Variants in ZFAT observed in about 807,000 individuals in gnomAD.
The protein encoded by ZFAT is zinc finger and AT-hook domain containing.
A neutral mutation model predicts 117.7 loss-of-function variants in ZFAT; 64 were observed. The observed-to-expected ratio is 0.54, with a 90% confidence interval of 0.44 to 0.67. ZFAT has a LOEUF of 0.67. Among genes scored for constraint, ZFAT ranks in the 30% least tolerant of loss-of-function variants. ZFAT has a pLI of 0.00. For synonymous variants in ZFAT, 679 were observed against 615.0 expected (o/e 1.10, Z -1.54); for missense variants, 1,433 against 1,584.5 (o/e 0.90, Z 1.62).
At chr8:134,626,012 C>T (rs1563692923) in intron 3 of ZFAT, among the ~76,000 whole-genome samples, 1 of 152,212 alleles carries the variant, frequency 6.6e-6, no homozygotes, top group African/African-American at 2.4e-5. Flanking sequence ...TCCCTGAGAG[C>T]CAGCAGCCGC....
chr8:134,646,541 G>T (rs80170444), intron 2 of ZFAT, among the ~76,000 whole-genome samples: 1,740 of 151,882 alleles, frequency 0.011, 13 homozygotes, highest in Non-Finnish European at 0.018. Flanking sequence ...GTGAGCAGAT[G>T]GAAGGAAATA....
the ZFAT span, among the ~76,000 whole-genome samples, chr8:134,829,022 G>C: frequency 1.3e-5 from 2 of 152,168 alleles, no homozygotes; most frequent in African/African-American, 4.8e-5. Flanking sequence ...TCTGCTGGGG[G>C]ACCACTGTCC....
intron 1 of ZFAT, among the ~76,000 whole-genome samples, chr8:134,685,380 G>A (rs1393803249): frequency 1.3e-5 from 2 of 152,162 alleles, no homozygotes; most frequent in African/African-American, 4.8e-5. Context: ...ATACTGTGAG[G>A]AATGCAAGTC....
intron 5 of ZFAT, among the ~76,000 whole-genome samples, chr8:134,604,031 A>T (rs1827705207): frequency 6.6e-6 from 1 of 152,230 alleles, no homozygotes; most frequent in Non-Finnish European, 1.5e-5. Context: ...TGTTTCAGAC[A>T]CCACGTTAGA....
At chr8:134,574,491 G>T (rs879624216) in intron 10 of ZFAT, among the ~76,000 whole-genome samples, 1 of 151,684 alleles carries the variant, frequency 6.6e-6, no homozygotes, top group Non-Finnish European at 1.5e-5. Flanking sequence ...GACTCCAGCT[G>T]CTTGCTTACT....
chr8:134,665,744 A>G (rs1172572438), intron 1 of ZFAT, among the ~76,000 whole-genome samples: 1 of 152,102 alleles, frequency 6.6e-6, no homozygotes, highest in Admixed American at 6.5e-5. Context: ...TCACAGAGAG[A>G]GAGAGATGGA....
chr8:134,620,349 T>G (rs947915988), intron 3 of ZFAT, among the ~76,000 whole-genome samples: 1 of 152,166 alleles, frequency 6.6e-6, no homozygotes. Context: ...AATCACTCCA[T>G]GCAGATGAAC....
the ZFAT span, chr8:134,785,847 T>C: frequency 6.6e-6 from 1 of 152,198 alleles, no homozygotes; most frequent in African/African-American, 2.4e-5. Flanking sequence ...TAAAAAGTTT[T>C]GTTGAGAATT....
chr8:134,586,432 G>A (rs11988811), intron 9 of ZFAT, among the ~76,000 whole-genome samples: 37,487 of 152,036 alleles, frequency 0.25, 5,181 homozygotes, highest in East Asian at 0.53. Flanking sequence ...ACTGAGTTTC[G>A]AGAGATGGAA....
chr8:134,616,166 C>A (rs192610316), intron 3 of ZFAT, among the ~76,000 whole-genome samples: 2 of 152,336 alleles, frequency 1.3e-5, no homozygotes, highest in East Asian at 3.9e-4. Flanking sequence ...ATGCTCCTCA[C>A]AGCCCTGAAC....
At chr8:134,510,307 T>G (rs1819725312) in intron 14 of ZFAT, 1 of 389,274 alleles carries the variant, frequency 2.6e-6, no homozygotes, top group Non-Finnish European at 5.3e-6. Context: ...ATCAGGCAGC[T>G]ATTTAGTATC....
the ZFAT span, among the ~76,000 whole-genome samples, chr8:134,773,984 A>ATTTTTTTTTTTTTTTTTTTTTTT: frequency 9.7e-6 from 1 of 103,298 alleles, no homozygotes; most frequent in African/African-American, 3.9e-5. Context: ...TTGAGGATTA[A>ATTTTTTTTTTTTTTTTTTTTTTT]TTTTTTTTTT....
At chr8:134,753,536 A>G in the ZFAT span, among the ~76,000 whole-genome samples, 1,907 of 152,338 alleles carry the variant, frequency 0.013, 46 homozygotes, top group African/African-American at 0.043. Context: ...CCAAAAGATC[A>G]GGAGAGGTAT....
intron 1 of ZFAT, among the ~76,000 whole-genome samples, chr8:134,691,847 A>G (rs1282438079): frequency 6.6e-6 from 1 of 152,244 alleles, no homozygotes; most frequent in East Asian, 1.9e-4. Context: ...TGTTAAAGCT[A>G]TAAAAGATAT....
chr8:134,508,382 T>C (rs1819571159), intron 15 of ZFAT, among the ~76,000 whole-genome samples: 1 of 152,174 alleles, frequency 6.6e-6, no homozygotes, highest in East Asian at 1.9e-4. Context: ...TTAAGAAATA[T>C]CTTATTTGTT....
At chr8:134,565,002 A>T (rs771390867) in intron 11 of ZFAT, 13 of 1,281,330 alleles carry the variant, frequency 1.0e-5, no homozygotes, top group Non-Finnish European at 1.3e-5. Flanking sequence ...GCAATCCAGG[A>T]TCTGAAAGCA....
the ZFAT span, among the ~76,000 whole-genome samples, chr8:134,736,782 C>T: frequency 5.0e-4 from 76 of 152,186 alleles, 1 homozygote; most frequent in East Asian, 0.012. Context: ...TACAAAGTCT[C>T]GCTATGTTTC....
At chr8:134,812,795 G>T in the ZFAT span, among the ~76,000 whole-genome samples, 1 of 152,264 alleles carries the variant, frequency 6.6e-6, no homozygotes, top group Admixed American at 6.5e-5. Flanking sequence ...AATACATGGT[G>T]CTTACTATCT....
chr8:134,806,188 A>G, the ZFAT span, among the ~76,000 whole-genome samples: 1 of 152,204 alleles, frequency 6.6e-6, no homozygotes, highest in Non-Finnish European at 1.5e-5. Context: ...ATTCTGAGAG[A>G]CTATTAATTT....
Sources: gnomAD v4.1 joint callset for allele counts (sites outside exome capture counted in the v4.1 genomes callset) on GRCh38, gnomAD v4.1.1 for gene constraint, MANE v1.5 for transcripts, NCBI Gene and HGNC (gene_info 2026-07-23, HGNC 2026-07-21) for gene names.